Variants in RADIL observed in about 807,000 individuals in gnomAD.
The protein encoded by RADIL is ras-associating and dilute domain-containing protein.
In RADIL, 99 loss-of-function variants were observed where a neutral mutation model predicts 97.6. That is an observed-to-expected ratio of 1.01 (90% CI 0.86 to 1.20). The LOEUF is 1.20. RADIL is among the 50% of genes most tolerant of loss of function. RADIL has a pLI of 0.00. For missense variants in RADIL, 1,765 were observed against 1,498.9 expected, an observed-to-expected ratio of 1.18 and a Z score of -2.93; for synonymous variants, 803 against 691.8, an observed-to-expected ratio of 1.16 and a Z score of -2.52.
At chr7:4,800,483 G>A (rs114084438) in intron 12 of RADIL, among the ~76,000 whole-genome samples, 173 bp from the exon 13 acceptor site, 1,968 of 152,164 alleles carry the variant, frequency 0.013, 41 homozygotes, top group African/African-American at 0.045. Flanking sequence ...CATTAGGGTC[G>A]GGGTCCGCCC....
Position 4,802,044 on chromosome 7 carries a change from C to G in RADIL, c.2500-49G>C, listed in dbSNP as rs576916384. On this transcript the variant is annotated intron_variant, in intron 11 of 14. Transcript: ENST00000399583. ...TCAGGTAGAGGAGTGGCCAGGTGGA[C>G]ACAGCACTCGGGCAACTGGGCAGCC... The G allele has an allele frequency of 2.1e-6, 3 of 1,418,482 alleles. No individual in the cohort carries two copies. In the South Asian group the frequency reaches 4.5e-5, roughly 21 times the overall value. The allele number at this position is 1,418,482 out of a possible 1,614,324, so 87.9% of individuals were successfully genotyped here.
chr7:4,823,059 C>A (rs554340266), intron 5 of RADIL, among the ~76,000 whole-genome samples: 2 of 152,252 alleles, frequency 1.3e-5, no homozygotes, highest in South Asian at 4.1e-4. Context: ...AAATGAAATG[C>A]TACTTTATTA....
intron 2 of RADIL, chr7:4,858,240 T>C (rs949460664): frequency 4.6e-5 from 7 of 152,192 alleles, no homozygotes; most frequent in African/African-American, 9.7e-5. Context: ...GTTTAAGTAA[T>C]TGCAGTTTAA....
intron 12 of RADIL, 69 bp from the exon 13 acceptor site, chr7:4,800,379 T>C: frequency 4.3e-6 from 6 of 1,383,964 alleles, no homozygotes; most frequent in Non-Finnish European, 5.6e-6. Context: ...TGGGATGTCC[T>C]GGCCTGGCTG....
chr7:4,856,609 T>C (rs1457019691), intron 2 of RADIL, among the ~76,000 whole-genome samples: 2 of 152,378 alleles, frequency 1.3e-5, no homozygotes, highest in East Asian at 3.9e-4. Flanking sequence ...TGAGCTTTTT[T>C]GTGTCTTCTT....
chr7:4,846,034 G>T (rs890633449), intron 2 of RADIL, among the ~76,000 whole-genome samples: 1 of 152,042 alleles, frequency 6.6e-6, no homozygotes, highest in Non-Finnish European at 1.5e-5. Context: ...CGCTGGGCAC[G>T]CCACCAACAG....
chr7:4,868,357 C>T (rs543819169), intron 2 of RADIL, among the ~76,000 whole-genome samples: 8 of 152,332 alleles, frequency 5.3e-5, no homozygotes, highest in Non-Finnish European at 7.3e-5. Flanking sequence ...CCACCTTGCC[C>T]GGCCATGAAC....
rs117582573 is a variant in RADIL, at chr7:4,801,398, C to G, written c.2842+255G>C. Among the ~76,000 whole-genome samples the G allele has an allele frequency of 7.2e-4, 110 of 152,350 alleles. 1 individual carries two copies. In the East Asian group the frequency reaches 0.021, roughly 29 times the overall value. ...TGCAGGAGTGACTCTGAGCCACTTT[C>G]TAGACTCTCTCCCTCCCAGATCACA... On this transcript the variant is annotated intron_variant, in intron 12 of 14. Coordinates refer to ENST00000399583, the MANE Select transcript of RADIL (RefSeq NM_018059.5).
At chr7:4,802,997 C>CTGG (rs1196459124) in intron 11 of RADIL, among the ~76,000 whole-genome samples, 110 of 70,764 alleles carry the variant, frequency 1.6e-3, no homozygotes, top group African/African-American at 4.4e-3. Context: ...GGCACTCTGG[C>CTGG]TGGGCCCCCT....
At chr7:4,856,076 T>G (rs902150631) in intron 2 of RADIL, among the ~76,000 whole-genome samples, 1 of 151,520 alleles carries the variant, frequency 6.6e-6, no homozygotes, top group Non-Finnish European at 1.5e-5. Context: ...CCCAAAATGC[T>G]TGGCTTACAA....
At position 4,798,191 on chromosome 7, in the gene RADIL, G is replaced by T. The variant is rs1057442298; in HGVS notation, c.*1187C>A. On this transcript the variant is annotated 3_prime_UTR_variant, in exon 15 of 15. Coordinates refer to ENST00000399583, the MANE Select transcript of RADIL (RefSeq NM_018059.5). ...TTTTGGGAACCTGGCAGTGGTCGCCGTTTCGAGCCAGGCGCAATGCGGAGC... is the reference window on the plus strand; with the variant it reads ...TTTTGGGAACCTGGCAGTGGTCGCCTTTTCGAGCCAGGCGCAATGCGGAGC... The T allele has an allele frequency of 4.6e-5, 7 of 151,376 alleles. No homozygotes were observed. The highest frequency in any genetic ancestry group is 1.7e-4 in the African/African-American group (7 of 41,212). 9.4% of individuals were successfully genotyped at this position (151,376 alleles called of 1,614,324 possible). A position where few individuals can be genotyped will look rare whatever the true frequency, so the allele number is the denominator to read the frequency against.
In RADIL at chr7:4,838,667, G is replaced by A. The variant is rs571630013; in HGVS notation, c.536-2062C>T. Among the ~76,000 whole-genome samples, 16 of 152,336 alleles carry A rather than the reference G, an allele frequency of 1.1e-4. No individual in the cohort carries two copies. The East Asian group carries it at 3.1e-3, about 29-fold the overall frequency. On this transcript the variant is annotated intron_variant, in intron 2 of 14. Transcript: ENST00000399583. ...CTCCTTCCTGGTGCTGGGTAGGCCT[G>A]CATGTGTGCAGAAGGGCCAGGCTGC...
chr7:4,812,141 A>G (rs1197171254), intron 9 of RADIL, among the ~76,000 whole-genome samples: 9 of 152,174 alleles, frequency 5.9e-5, no homozygotes, highest in Non-Finnish European at 1.2e-4. Context: ...TTGGCCTCCC[A>G]AAGTGCTAGG....
In RADIL at chr7:4,856,055, C is replaced by T. The variant is rs189727997; in HGVS notation, c.536-19450G>A. 2.4e-3 allele frequency among the ~76,000 whole-genome samples: 361 copies of T among 151,644 alleles called. 1 individual carries two copies. Among genetic ancestry groups the T allele is most frequent in the Non-Finnish European group, 4.1e-3 (281 of 67,978 alleles). On this transcript the variant is annotated intron_variant, in intron 2 of 14. Coordinates refer to ENST00000399583, the MANE Select transcript of RADIL (RefSeq NM_018059.5). ...AACTCCTGGCCTCAAGTGATCCGCTCGCCTCGGCCTCCCAAAATGCTTGGC... is the reference window on the plus strand; with the variant it reads ...AACTCCTGGCCTCAAGTGATCCGCTTGCCTCGGCCTCCCAAAATGCTTGGC...
intron 10 of RADIL, chr7:4,804,116 C>T (rs749020646): frequency 8.8e-6 from 3 of 339,464 alleles, no homozygotes; most frequent in Admixed American, 3.8e-5. Context: ...CAGAGCTGGA[C>T]GCAAGCTCCT....
intron 10 of RADIL, among the ~76,000 whole-genome samples, chr7:4,805,072 T>C (rs576715771): frequency 1.3e-5 from 2 of 152,044 alleles, no homozygotes; most frequent in Non-Finnish European, 2.9e-5. Context: ...CCAGCCTGGA[T>C]GACAGAGCAA....
intron 2 of RADIL, among the ~76,000 whole-genome samples, chr7:4,843,100 G>A (rs1463978458): frequency 1.3e-5 from 2 of 149,184 alleles, no homozygotes; most frequent in African/African-American, 5.0e-5. Context: ...TCTGCCTCCC[G>A]GGTTCAAGTG....
At chr7:4,800,910 G>A (rs577116555) in intron 12 of RADIL, among the ~76,000 whole-genome samples, 13 of 152,312 alleles carry the variant, frequency 8.5e-5, no homozygotes, top group East Asian at 3.9e-4. Context: ...CACGCACCCA[G>A]GACACTTCGC....
At chr7:4,851,038 C>T (rs1320456983) in intron 2 of RADIL, among the ~76,000 whole-genome samples, 1 of 151,838 alleles carries the variant, frequency 6.6e-6, no homozygotes, top group East Asian at 1.9e-4. Context: ...CCCATCTCTA[C>T]TAAAAATGCA....
Sources: gnomAD v4.1 joint callset for allele counts (sites outside exome capture counted in the v4.1 genomes callset) on GRCh38, gnomAD v4.1.1 for gene constraint, MANE v1.5 for transcripts, NCBI Gene and HGNC (gene_info 2026-07-23, HGNC 2026-07-21) for gene names.